DGLUCY: variants seen among roughly 807,000 people sequenced by gnomAD.
The protein encoded by DGLUCY is D-glutamate cyclase.
DGLUCY carries 58 observed loss-of-function variants against 58.5 expected under a neutral mutation model. The ratio of observed to expected loss-of-function variants is 0.99; its 90% CI spans 0.80 to 1.23. The LOEUF (loss-of-function observed/expected upper bound fraction) is 1.23. Among genes scored for constraint, DGLUCY ranks in the 50% most tolerant of loss-of-function variants. DGLUCY has a pLI of 0.00. For synonymous variants in DGLUCY, 325 were observed against 314.1 expected (o/e 1.03, Z -0.37); for missense variants, 779 against 784.7 (o/e 0.99, Z 0.09).
At chr14:91,190,349 G>A (rs1015832329) in intron 9 of DGLUCY, among the ~76,000 whole-genome samples, 4 of 152,170 alleles carry the variant, frequency 2.6e-5, no homozygotes, top group Non-Finnish European at 4.4e-5. Flanking sequence ...CCCACGGAGA[G>A]TATCTTCCAG....
chr14:91,158,167 C>T (rs917460114), intron 2 of DGLUCY, among the ~76,000 whole-genome samples: 4 of 152,196 alleles, frequency 2.6e-5, no homozygotes, highest in African/African-American at 9.7e-5. Context: ...CATTCAGGAC[C>T]CTGGCTGGTA....
intron 1 of DGLUCY, among the ~76,000 whole-genome samples, chr14:91,075,086 A>AG (rs549734890): frequency 1.5e-4 from 23 of 151,906 alleles, no homozygotes; most frequent in African/African-American, 4.3e-4. Context: ...AAAAAAAAAA[A>AG]AAGAAGAATT....
intron 1 of DGLUCY, among the ~76,000 whole-genome samples, chr14:91,131,517 G>A (rs1365624458): frequency 1.3e-5 from 2 of 151,618 alleles, no homozygotes; most frequent in Admixed American, 1.3e-4. Flanking sequence ...TGCACAACGT[G>A]CAGGTTTGTT....
intron 1 of DGLUCY, among the ~76,000 whole-genome samples, chr14:91,101,973 G>A (rs981486852): frequency 5.3e-5 from 8 of 152,116 alleles, no homozygotes; most frequent in East Asian, 3.8e-4. Context: ...AATTAGAGGC[G>A]TGAACCACTA....
At chr14:91,200,982 C>T (rs1253614034) in intron 11 of DGLUCY, among the ~76,000 whole-genome samples, 1 of 147,636 alleles carries the variant, frequency 6.8e-6, no homozygotes, top group Non-Finnish European at 1.5e-5. Context: ...TACAAAGTAC[C>T]TTCTTCAGGG....
intron 9 of DGLUCY, among the ~76,000 whole-genome samples, chr14:91,191,871 T>G (rs567989011): frequency 6.6e-6 from 1 of 152,084 alleles, no homozygotes; most frequent in Non-Finnish European, 1.5e-5. Flanking sequence ...ACTGGCAGGT[T>G]TAGGGGTAAA....
intron 1 of DGLUCY, among the ~76,000 whole-genome samples, chr14:91,089,078 G>A (rs1281980454): frequency 2.6e-5 from 4 of 152,206 alleles, no homozygotes; most frequent in African/African-American, 9.6e-5. Flanking sequence ...CGCACCAGTT[G>A]CCCCTTCTAA....
At chr14:91,207,017 G>A (rs1884818772) in intron 12 of DGLUCY, among the ~76,000 whole-genome samples, 2 of 151,946 alleles carry the variant, frequency 1.3e-5, no homozygotes, top group Non-Finnish European at 2.9e-5. Context: ...AATTAGCCAG[G>A]TGTCGTGGTG....
At chr14:91,180,991 G>C (rs2049136988) in intron 7 of DGLUCY, among the ~76,000 whole-genome samples, 195 bp from the exon 8 acceptor site, 1 of 152,188 alleles carries the variant, frequency 6.6e-6, no homozygotes, top group Admixed American at 6.5e-5. Flanking sequence ...CTAGAGATTA[G>C]AGGCAACTGT....
chr14:91,090,690 G>A (rs2044296844), intron 1 of DGLUCY, among the ~76,000 whole-genome samples: 1 of 152,180 alleles, frequency 6.6e-6, no homozygotes, highest in Admixed American at 6.5e-5. Flanking sequence ...ACCCTATTTG[G>A]TCACAGATAG....
intron 1 of DGLUCY, among the ~76,000 whole-genome samples, chr14:91,069,379 G>A (rs1341476324): frequency 5.3e-5 from 8 of 152,080 alleles, no homozygotes; most frequent in Admixed American, 4.6e-4. Context: ...GGGTTCAAGC[G>A]ATTCTCCTGC....
chr14:91,060,404 C>G (rs746185525), exon 1 of DGLUCY: 1 of 1,507,666 alleles, frequency 6.6e-7, no homozygotes, highest in East Asian at 2.7e-5. Context: ...GTCCCCGCGG[C>G]GCCGCCGCTG....
At chr14:91,112,905 A>G (rs1369385825), upstream of DGLUCY, among the ~76,000 whole-genome samples, 1 of 148,540 alleles carries the variant, frequency 6.7e-6, no homozygotes, top group Non-Finnish European at 1.5e-5. Context: ...AGGCTGAGGC[A>G]GGAGAATGGC....
chr14:91,114,699 G>T (rs2295529), intron 1 of DGLUCY: 20,774 of 152,330 alleles, frequency 0.14, 1,533 homozygotes, highest in African/African-American at 0.17. Flanking sequence ...GGTGGCAATT[G>T]GGGAAGGGGT....
chr14:91,165,268 T>C (rs977332770), intron 3 of DGLUCY: 2 of 456,190 alleles, frequency 4.4e-6, no homozygotes, highest in Non-Finnish European at 4.4e-6. Flanking sequence ...ACAGTAACTT[T>C]AGTCCCTGCT....
At chr14:91,074,461 A>G (rs2043986004) in intron 1 of DGLUCY, among the ~76,000 whole-genome samples, 1 of 151,828 alleles carries the variant, frequency 6.6e-6, no homozygotes, top group African/African-American at 2.4e-5. Flanking sequence ...AGCCTGGGTG[A>G]CAGAGTGAGA....
intron 12 of DGLUCY, among the ~76,000 whole-genome samples, chr14:91,207,850 G>A (rs1410592064): frequency 2.0e-5 from 3 of 152,094 alleles, no homozygotes; most frequent in East Asian, 3.9e-4. Context: ...AAGTTCAAGC[G>A]ATTCTCCTGC....
chr14:91,178,691 C>T (rs777414064), intron 7 of DGLUCY, among the ~76,000 whole-genome samples: 18 of 152,178 alleles, frequency 1.2e-4, no homozygotes, highest in Non-Finnish European at 2.5e-4. Flanking sequence ...AGTTATGTAT[C>T]TATTAGATTT....
At chr14:91,189,308 C>T in intron 9 of DGLUCY, 138 bp downstream of exon 9, 1 of 1,194,462 alleles carries the variant, frequency 8.4e-7, no homozygotes, top group Non-Finnish European at 1.2e-6. Flanking sequence ...AGCTTGATTT[C>T]ATAGACGAAG....
Sources: gnomAD v4.1 joint callset for allele counts (sites outside exome capture counted in the v4.1 genomes callset) on GRCh38, gnomAD v4.1.1 for gene constraint, MANE v1.5 for transcripts, NCBI Gene and HGNC (gene_info 2026-07-23, HGNC 2026-07-21) for gene names.